The following VIRMA variants were observed in gnomAD, a reference collection of about 807,000 sequenced individuals.
VIRMA encodes the protein vir like m6A methyltransferase associated, also known as protein virilizer homolog.
VIRMA carries 65 observed loss-of-function variants against 182.4 expected under a neutral mutation model. The observed-to-expected ratio is 0.36, with a 90% CI of 0.29 to 0.44. The LOEUF (loss-of-function observed/expected upper bound fraction) is 0.44, where lower values mean the gene tolerates loss of function less well. Among genes scored for constraint, VIRMA ranks in the 20% least tolerant of loss-of-function variants. VIRMA has a pLI of 1.00. For synonymous variants in VIRMA, 709 were observed against 743.1 expected, an observed-to-expected ratio of 0.95 and a Z score of 0.75; for missense variants, 1,752 against 2,158.1, an observed-to-expected ratio of 0.81 and a Z score of 3.73.
chr8:94,489,701 T>TAA (rs1271348412), intron 23 of VIRMA, among the ~76,000 whole-genome samples: 6 of 152,108 alleles, frequency 3.9e-5, no homozygotes, highest in Admixed American at 3.9e-4. Context: ...AATATATATA[T>TAA]AACATATAAA....
chr8:94,511,854 G>A, intron 12 of VIRMA, 125 bp from the exon 13 acceptor site: 1 of 679,814 alleles, frequency 1.5e-6, no homozygotes, highest in Non-Finnish European at 2.1e-6. Context: ...TTTTTATTAT[G>A]ACAAATATTT....
intron 17 of VIRMA, chr8:94,498,744 G>A (rs1461818478): frequency 6.6e-6 from 1 of 152,334 alleles, no homozygotes; most frequent in East Asian, 1.9e-4. Context: ...GATGGGATTA[G>A]AGGCACGTGC....
At chr8:94,530,874 C>A in intron 6 of VIRMA, 89 bp downstream of exon 6, 1 of 1,444,614 alleles carries the variant, frequency 6.9e-7, no homozygotes, top group Non-Finnish European at 9.3e-7. Flanking sequence ...GTACTCCACC[C>A]TGGGCAACAG....
intron 3 of VIRMA, among the ~76,000 whole-genome samples, chr8:94,537,642 T>C (rs1815387810): frequency 6.6e-6 from 1 of 152,194 alleles, no homozygotes; most frequent in Non-Finnish European, 1.5e-5. Context: ...GAATAAGTGA[T>C]GTCTAAGAAA....
chr8:94,540,130 G>C (rs566072300), intron 2 of VIRMA, among the ~76,000 whole-genome samples: 1 of 151,964 alleles, frequency 6.6e-6, no homozygotes, highest in Non-Finnish European at 1.5e-5. Context: ...CTTGATATGC[G>C]AACAGATTTT....
intron 16 of VIRMA, among the ~76,000 whole-genome samples, chr8:94,501,275 A>C (rs1241163605): frequency 4.0e-5 from 6 of 150,502 alleles, no homozygotes; most frequent in East Asian, 2.1e-4. Context: ...AAAAAAAAAA[A>C]AACAACCAAT....
Position 94,549,764 on chromosome 8 carries a change from T to A in VIRMA, c.63+3621A>T, listed in dbSNP as rs117120813. Among the ~76,000 whole-genome samples, 577 of 152,300 alleles carry A rather than the reference T, an allele frequency of 3.8e-3. 2 individuals carry two copies. The highest frequency in any genetic ancestry group is 6.1e-3 in the Admixed American group (94 of 15,300). On this transcript the variant is annotated intron_variant, in intron 1 of 23. Transcript: ENST00000297591. ...AGGAAAGTCACCTCATCTCTCAGGCTCAGTTTCCTTATCTATAAAATGTAG... is the reference window on the plus strand; with the variant it reads ...AGGAAAGTCACCTCATCTCTCAGGCACAGTTTCCTTATCTATAAAATGTAG...
At chr8:94,544,781 G>C (rs1356512623) in intron 1 of VIRMA, among the ~76,000 whole-genome samples, 2 of 151,372 alleles carry the variant, frequency 1.3e-5, no homozygotes, top group Non-Finnish European at 2.9e-5. Flanking sequence ...TAAGTTTTTT[G>C]CCATTTTTGA....
intron 8 of VIRMA, among the ~76,000 whole-genome samples, chr8:94,520,415 A>G (rs563250383): frequency 2.6e-5 from 4 of 152,148 alleles, no homozygotes; most frequent in African/African-American, 9.6e-5. Context: ...GGATCGCTTA[A>G]GCCCAGGAGG....
At chr8:94,512,752 G>A (rs1217039275) in intron 11 of VIRMA, among the ~76,000 whole-genome samples, 1 of 152,170 alleles carries the variant, frequency 6.6e-6, no homozygotes, top group African/African-American at 2.4e-5. Context: ...ACTCCAGCCT[G>A]GGTGACACAG....
At chr8:94,532,554 G>A (rs1360291270) in intron 5 of VIRMA, among the ~76,000 whole-genome samples, 1 of 152,172 alleles carries the variant, frequency 6.6e-6, no homozygotes, top group African/African-American at 2.4e-5. Flanking sequence ...CAATTTTCTG[G>A]TTTTGATATT....
intron 16 of VIRMA, among the ~76,000 whole-genome samples, chr8:94,499,834 C>A (rs865839838): frequency 6.6e-6 from 1 of 151,396 alleles, no homozygotes; most frequent in South Asian, 2.1e-4. Flanking sequence ...CACTTGAGGT[C>A]AGGAGTTTAA....
chr8:94,510,522 T>C lies in VIRMA; in HGVS notation c.3521A>G (p.Gln1174Arg), dbSNP rs949843788. The C allele has an allele frequency of 2.5e-6, 4 of 1,614,042 alleles. No homozygotes were observed. Among genetic ancestry groups the C allele is most frequent in the Non-Finnish European group, 3.4e-6 (4 of 1,180,030 alleles). Residue 1174 changes from glutamine (Q) to arginine (R), a missense_variant, in exon 14 of 24, where the codon CAA becomes CGA. Coordinates refer to ENST00000297591, the MANE Select transcript of VIRMA (RefSeq NM_015496.5). ...SFSGTTCQPI[Q>R]HMLRRICVQL... ...AACACAAATACGCCGTAACATATGT[T>C]GAATGGGCTGGCAGGTTGTGCCAGA...
At chr8:94,540,748 C>T (rs986783101) in intron 2 of VIRMA, among the ~76,000 whole-genome samples, 7 of 152,176 alleles carry the variant, frequency 4.6e-5, no homozygotes, top group African/African-American at 1.2e-4. Flanking sequence ...AGGCGTGAGC[C>T]ACTGCACCTG....
intron 16 of VIRMA, among the ~76,000 whole-genome samples, chr8:94,504,395 C>T (rs1391342357): frequency 1.3e-5 from 2 of 152,072 alleles, no homozygotes; most frequent in African/African-American, 2.4e-5. Flanking sequence ...ATGAAGCATG[C>T]TTTTGCAATT....
At chr8:94,493,299 G>T (rs1813665494) in intron 20 of VIRMA, among the ~76,000 whole-genome samples, 3 of 152,060 alleles carry the variant, frequency 2.0e-5, no homozygotes, top group Admixed American at 2.0e-4. Context: ...GTTTACTTAG[G>T]TTTTATTCAA....
At position 94,511,618 on chromosome 8, in the gene VIRMA, G is replaced by A; in HGVS notation, c.2957C>T (p.Pro986Leu). 2 of 1,614,096 alleles carry A rather than the reference G, an allele frequency of 1.2e-6. No individual in the cohort carries two copies. Among genetic ancestry groups the A allele is most frequent in the Non-Finnish European group, 1.7e-6 (2 of 1,180,014 alleles). The change falls in exon 13 of 24, where the codon CCT becomes CTT. Residue 986 changes from proline (P) to leucine (L), a missense_variant. Physicochemically the swap from Pro to Leu is moderately conservative, Grantham distance 98 (BLOSUM62 -3). Around this residue, in one of 11 missense-constraint regions of VIRMA, gnomAD observed 777 missense variants for 920.6 expected, o/e 0.84. Transcript: ENST00000297591. ...LQKLNSILTQ[P>L]WRLHVNMGTT... ...CCCCATGTTGACATGGAGCCTCCAA[G>A]GCTGAGTCAGAATACTGTTCAATTT...
At position 94,499,371 on chromosome 8, in the gene VIRMA, T is replaced by TA; in HGVS notation, c.4230+2dup. 2 of 1,548,746 alleles carry TA rather than the reference T, an allele frequency of 1.3e-6. No individual in the cohort carries two copies. Among genetic ancestry groups the TA allele is most frequent in the Non-Finnish European group, 1.7e-6 (2 of 1,145,184 alleles). On this transcript the variant is annotated splice_region_variant and intron_variant, in intron 17 of 23. Transcript: ENST00000297591. ...ACACAAACACAAACACACACATACTTACAATTGTGTCAGAGTTAAGAATTT... is the reference window on the plus strand; with the variant it reads ...ACACAAACACAAACACACACATACTTAACAATTGTGTCAGAGTTAAGAATTT...
Position 94,543,807 on chromosome 8 carries a change from T to C in VIRMA, c.179+20A>G, listed in dbSNP as rs748024903. Reference sequence around the variant, plus strand: ...ACAATCTTTAACCAAAAAATACTTTTAAAAAGAGAGTTGACTTACCCATAT... The same window carrying C: ...ACAATCTTTAACCAAAAAATACTTTCAAAAAGAGAGTTGACTTACCCATAT... On this transcript the variant is annotated intron_variant, in intron 2 of 23. Transcript: ENST00000297591. 1.5e-6 allele frequency: 2 copies of C among 1,333,878 alleles called. No individual in the cohort carries two copies. Among genetic ancestry groups the C allele is most frequent in the Non-Finnish European group, 2.1e-6 (2 of 947,014 alleles). 82.6% of individuals were successfully genotyped at this position (1,333,878 alleles called of 1,614,324 possible).
Sources: gnomAD v4.1 joint callset for allele counts (sites outside exome capture counted in the v4.1 genomes callset) on GRCh38, gnomAD v4.1.1 for gene constraint, gnomAD v4.1.1 regional missense constraint, MANE v1.5 for transcripts, NCBI Gene and HGNC (gene_info 2026-07-23, HGNC 2026-07-21) for gene names.